Variants in S100Z observed in about 807,000 individuals in gnomAD.
S100Z encodes S100 calcium binding protein Z, also known as protein S100-Z.
In S100Z, 11 loss-of-function variants were observed where a neutral mutation model predicts 8.5. The observed-to-expected ratio is 1.30, with a 90% CI of 0.82 to 2.15. The LOEUF is 2.15. Among genes scored for constraint, S100Z ranks in the 30% most tolerant of loss-of-function variants. The pLI is 0.00. For missense variants in S100Z, 126 were observed against 117.9 expected (o/e 1.07, Z -0.32); for synonymous variants, 34 against 43.8 (o/e 0.78, Z 0.89).
At chr5:76,918,889 T>C (rs1325570599) in intron 4 of S100Z, among the ~76,000 whole-genome samples, 3 of 152,236 alleles carry the variant, frequency 2.0e-5, no homozygotes, top group African/African-American at 7.2e-5. Flanking sequence ...CCAATCCCTT[T>C]ACTCTTTCCA....
downstream of S100Z, among the ~76,000 whole-genome samples, chr5:76,924,737 C>T (rs1745105676): frequency 6.6e-6 from 1 of 152,040 alleles, no homozygotes; most frequent in Non-Finnish European, 1.5e-5. Flanking sequence ...TGGTGAAACC[C>T]CATCTCTACT....
intron 1 of S100Z, among the ~76,000 whole-genome samples, chr5:76,865,856 TA>T (rs568901339): frequency 0.015 from 2,150 of 147,590 alleles, 61 homozygotes; most frequent in African/African-American, 0.05. Flanking sequence ...CTACTAAAAA[TA>T]AAAAAAAATT....
intron 4 of S100Z, among the ~76,000 whole-genome samples, chr5:76,878,916 A>C (rs1341133245): frequency 6.6e-6 from 1 of 152,194 alleles, no homozygotes; most frequent in Non-Finnish European, 1.5e-5. Flanking sequence ...GAAGTCCAGG[A>C]TGACAAAACA....
chr5:76,875,452 G>C lies in S100Z; in HGVS notation c.93G>C (p.Lys31Asn), dbSNP rs778301131. 1 of 1,612,644 alleles carries C rather than the reference G, an allele frequency of 6.2e-7. No homozygotes were observed. The highest frequency in any genetic ancestry group is 8.5e-7 in the Non-Finnish European group (1 of 1,179,360). Residue 31 changes from lysine to asparagine, a missense_variant, in exon 3 of 5, where the codon AAG becomes AAC. Physicochemically the swap from Lys to Asn is moderately conservative, Grantham distance 94 (BLOSUM62 0). Coordinates refer to ENST00000317593, the MANE Select transcript of S100Z (RefSeq NM_130772.4). ...AAAGGAAGAGATTCAAGCTCAGCAA[G>C]GGGGAACTGAAACTGCTCCTGCAGC... ...GKERKRFKLS[K>N]GELKLLLQRE...
chr5:76,941,296 A>G, the S100Z span, among the ~76,000 whole-genome samples: 2 of 152,284 alleles, frequency 1.3e-5, no homozygotes, highest in Admixed American at 6.5e-5. Context: ...TGTCACCCCC[A>G]TAATCCCCAC....
intron 4 of S100Z, among the ~76,000 whole-genome samples, chr5:76,920,203 C>T (rs530667967): frequency 3.7e-4 from 56 of 152,290 alleles, no homozygotes; most frequent in African/African-American, 1.3e-3. Flanking sequence ...GCCACCACGC[C>T]CGGCTCAGCC....
At chr5:76,857,779 G>A (rs909357893) in intron 1 of S100Z, among the ~76,000 whole-genome samples, 3 of 152,118 alleles carry the variant, frequency 2.0e-5, no homozygotes, top group Non-Finnish European at 4.4e-5. Context: ...GGGATTACAG[G>A]TATGAGCCAC....
intron 4 of S100Z, among the ~76,000 whole-genome samples, chr5:76,917,832 A>G (rs1215265496): frequency 1.3e-5 from 2 of 151,878 alleles, no homozygotes; most frequent in Non-Finnish European, 2.9e-5. Context: ...AAAAAAAAAA[A>G]AAAAATCAGA....
intron 4 of S100Z, among the ~76,000 whole-genome samples, chr5:76,891,004 G>A (rs139435439): frequency 0.015 from 2,240 of 152,200 alleles, 67 homozygotes; most frequent in East Asian, 0.12. Context: ...TGGGATTACA[G>A]GCATGCACCA....
the S100Z span, among the ~76,000 whole-genome samples, chr5:76,950,480 T>G: frequency 6.6e-6 from 1 of 152,228 alleles, no homozygotes; most frequent in Admixed American, 6.5e-5. Context: ...AGGCTTAACA[T>G]AGGTGACAAT....
At chr5:76,892,360 G>T (rs530119457) in intron 4 of S100Z, among the ~76,000 whole-genome samples, 29 of 152,118 alleles carry the variant, frequency 1.9e-4, no homozygotes, top group Non-Finnish European at 3.7e-4. Context: ...AAAAGTGGGG[G>T]CACTTCCACA....
intron 4 of S100Z, among the ~76,000 whole-genome samples, chr5:76,886,570 G>A (rs1580027079): frequency 3.9e-5 from 6 of 152,270 alleles, no homozygotes; most frequent in East Asian, 1.9e-4. Context: ...CCCGCTGACC[G>A]GGGTCTTTGG....
the S100Z span, among the ~76,000 whole-genome samples, chr5:76,936,639 ACACACACACACACACACAAC>A: frequency 1.4e-5 from 2 of 145,100 alleles, no homozygotes; most frequent in East Asian, 4.2e-4. Context: ...ACACACACAC[ACACACACACACACACACAAC>A]CATGAAGGAA....
intron 4 of S100Z, among the ~76,000 whole-genome samples, chr5:76,881,690 C>T (rs1743406889): frequency 6.6e-6 from 1 of 152,072 alleles, no homozygotes; most frequent in Non-Finnish European, 1.5e-5. Context: ...GGTCCAAGAA[C>T]CATTTGCCTT....
chr5:76,923,681 A>G (rs976206927), downstream of S100Z, among the ~76,000 whole-genome samples: 2 of 152,196 alleles, frequency 1.3e-5, no homozygotes. Flanking sequence ...AGCCCAATCC[A>G]CAACACCACC....
chr5:76,872,911 T>C (rs1743058123), intron 2 of S100Z, among the ~76,000 whole-genome samples: 1 of 152,114 alleles, frequency 6.6e-6, no homozygotes, highest in Non-Finnish European at 1.5e-5. Context: ...AGGTCGAGGC[T>C]GCAGTGAGCT....
At chr5:76,913,463 A>T (rs1580063696) in intron 4 of S100Z, among the ~76,000 whole-genome samples, 1 of 152,258 alleles carries the variant, frequency 6.6e-6, no homozygotes, top group Admixed American at 6.5e-5. Context: ...AAACAGAATC[A>T]GGAAGGAGCC....
rs533420717 is a variant in S100Z, at chr5:76,869,325, C to T, written c.-175-841C>T. On this transcript the variant is annotated intron_variant, in intron 1 of 4. Transcript: ENST00000317593. ...ACATAAGGTAGGAAATAGGAGAGGACAGAGAAGGCACCTATCAGAGATGGG... is the reference window on the plus strand; with the variant it reads ...ACATAAGGTAGGAAATAGGAGAGGATAGAGAAGGCACCTATCAGAGATGGG... Among the ~76,000 whole-genome samples, 3 of 151,914 alleles carry T rather than the reference C, an allele frequency of 2.0e-5. No homozygotes were observed. In the East Asian group the frequency reaches 5.8e-4, roughly 29 times the overall value.
At chr5:76,898,920 G>A (rs1221105296) in intron 4 of S100Z, among the ~76,000 whole-genome samples, 1 of 145,004 alleles carries the variant, frequency 6.9e-6, no homozygotes, top group African/African-American at 2.6e-5. Context: ...ATTGGGTCCT[G>A]GGCTTTTCTT....
Sources: gnomAD v4.1 joint callset for allele counts (sites outside exome capture counted in the v4.1 genomes callset) on GRCh38, gnomAD v4.1.1 for gene constraint, MANE v1.5 for transcripts, NCBI Gene and HGNC (gene_info 2026-07-23, HGNC 2026-07-21) for gene names.